CDH3: variants seen among roughly 807,000 people sequenced by gnomAD.
CDH3 encodes cadherin-3.
In CDH3, 54 loss-of-function variants were observed where a neutral mutation model predicts 82.0. The observed-to-expected ratio is 0.66, with a 90% confidence interval of 0.53 to 0.83. The LOEUF is 0.83. CDH3 is among the 40% of genes least tolerant of loss of function. The pLI is 0.00. For missense variants in CDH3, 1,054 were observed against 1,084.6 expected, an observed-to-expected ratio of 0.97 and a Z score of 0.40; for synonymous variants, 446 against 437.9, an observed-to-expected ratio of 1.02 and a Z score of -0.23.
At position 68,691,875 on chromosome 16, in the gene CDH3, T is replaced by A. The variant is rs1296594031; in HGVS notation, c.1951T>A (p.Trp651Arg). ...HGHVETCPGP[W>R]KGGFILPVLG... The stretch of plus-strand genomic sequence containing the variant: ...CCATGTCGAAACCTGCCCTGGACCC[T>A]GGAAGGGAGGTTTCATCCTCCCTGT... Residue 651 changes from tryptophan (W) to arginine (R), a missense_variant, in exon 13 of 16, where the codon TGG becomes AGG. By Grantham distance (101) the Trp-to-Arg change is moderately radical (BLOSUM62 -3). Coordinates refer to ENST00000264012, the MANE Select transcript of CDH3 (RefSeq NM_001793.6). 3 of 1,614,068 alleles carry A rather than the reference T, an allele frequency of 1.9e-6. No homozygotes were observed. Among genetic ancestry groups the A allele is most frequent in the Non-Finnish European group, 8.5e-7 (1 of 1,179,998 alleles).
At chr16:68,695,984 G>T in intron 15 of CDH3, 61 bp downstream of exon 15, 1 of 1,579,230 alleles carries the variant, frequency 6.3e-7, no homozygotes. Flanking sequence ...CAGCCACACA[G>T]GAGAACAAGC....
chr16:68,703,818 G>A (rs1005280270), downstream of CDH3, among the ~76,000 whole-genome samples: 4 of 152,052 alleles, frequency 2.6e-5, no homozygotes, highest in Non-Finnish European at 4.4e-5. Flanking sequence ...ATGGTGGTGC[G>A]TGCCTGTAAT....
At chr16:68,688,616 TTTTTTGTTTTTG>T (rs147242022) in intron 12 of CDH3, among the ~76,000 whole-genome samples, 93,296 of 150,840 alleles carry the variant, frequency 0.62, 29,042 homozygotes, top group African/African-American at 0.67. Context: ...GTCACTAGGG[TTTTTTGTTTTTG>T]TTTTTGTTTT....
rs1225392269 is a variant in CDH3, at chr16:68,697,794, G to A, written c.2281-397G>A. ...TTCATCTGTTCCTTTAAAACTATAC[G>A]GAGGCACATGTCCTCAGTACCTCCC... On this transcript the variant is annotated intron_variant, in intron 15 of 15. Transcript: ENST00000264012. Among the ~76,000 whole-genome samples, 3 of 151,990 alleles carry A rather than the reference G, an allele frequency of 2.0e-5. No homozygotes were observed. The East Asian group carries it at 5.8e-4, about 29-fold the overall frequency.
intron 2 of CDH3, among the ~76,000 whole-genome samples, chr16:68,646,547 C>T (rs1375447653): frequency 6.7e-6 from 1 of 149,124 alleles, no homozygotes; most frequent in Non-Finnish European, 1.5e-5. Flanking sequence ...AGGGGGTGGG[C>T]GGTGCAACGT....
chr16:68,681,062 C>G lies in CDH3; in HGVS notation c.962C>G (p.Ala321Gly). The G allele has an allele frequency of 6.2e-7, 1 of 1,614,010 alleles. No homozygotes were observed. Among genetic ancestry groups the G allele is most frequent in the Non-Finnish European group, 8.5e-7 (1 of 1,179,972 alleles). The change falls in exon 8 of 16, where the codon GCC becomes GGC. Residue 321 changes from alanine to glycine, a missense_variant. Physicochemically the swap from Ala to Gly is moderately conservative, Grantham distance 60. Coordinates refer to ENST00000264012, the MANE Select transcript of CDH3 (RefSeq NM_001793.6). ...TAVAVVEILD[A>G]NDNAPMFDPQ... ...GTGGCAGTAGTGGAGATCCTTGATG[C>G]CAATGACAATGCTCCCATGTTTGAC...
chr16:68,693,944 AGCCAG>A (rs1192686842), intron 13 of CDH3, among the ~76,000 whole-genome samples: 1 of 152,132 alleles, frequency 6.6e-6, no homozygotes, highest in African/African-American at 2.4e-5. Flanking sequence ...ACATCACTGA[AGCCAG>A]GCCCTTTTAA....
intron 2 of CDH3, among the ~76,000 whole-genome samples, chr16:68,668,770 A>G (rs1378547671): frequency 6.6e-6 from 1 of 152,162 alleles, no homozygotes; most frequent in African/African-American, 2.4e-5. Flanking sequence ...CCACTTTGAG[A>G]GAGAATTTTT....
At chr16:68,675,528 G>A (rs1287263401) in intron 2 of CDH3, among the ~76,000 whole-genome samples, 2 of 152,176 alleles carry the variant, frequency 1.3e-5, no homozygotes, top group Non-Finnish European at 2.9e-5. Context: ...TGGGCGCGGT[G>A]GCTCATGCCT....
intron 1 of CDH3, among the ~76,000 whole-genome samples, chr16:68,715,416 G>T (rs564741112): frequency 9.9e-5 from 9 of 90,542 alleles, no homozygotes; most frequent in African/African-American, 1.5e-4. Flanking sequence ...GACAGAGCAC[G>T]ACTCTCAAAA....
Position 68,685,329 on chromosome 16 carries a change from A to C in CDH3, c.1549A>C (p.Met517Leu). Reference sequence around the variant, plus strand: ...TGTGAGGAACAACATCTATGAAGTCATGGTCTTGGCCATGGACAATGGTGA... The same window carrying C: ...TGTGAGGAACAACATCTATGAAGTCCTGGTCTTGGCCATGGACAATGGTGA... ...QFVRNNIYEV[M>L]VLAMDNGSPP... The change falls in exon 11 of 16, where the codon ATG becomes CTG. Residue 517 changes from methionine to leucine, a missense_variant. Met to Leu is a conservative substitution (Grantham distance 15). Transcript: ENST00000264012. The C allele has an allele frequency of 6.2e-7, 1 of 1,614,096 alleles. No homozygotes were observed. The highest frequency in any genetic ancestry group is 1.1e-5 in the South Asian group (1 of 91,086).
intron 1 of CDH3, among the ~76,000 whole-genome samples, chr16:68,717,827 C>A (rs1962112591): frequency 6.6e-6 from 1 of 151,768 alleles, no homozygotes; most frequent in African/African-American, 2.4e-5. Context: ...AGATTTATAT[C>A]TTTCTCAGAG....
chr16:68,651,546 T>A (rs1361118211), intron 2 of CDH3: 6 of 465,058 alleles, frequency 1.3e-5, no homozygotes, highest in Non-Finnish European at 2.6e-5. Flanking sequence ...CACCCCGCTC[T>A]GCAGCCCCTT....
intron 2 of CDH3, among the ~76,000 whole-genome samples, chr16:68,658,112 C>G (rs1960455676): frequency 7.0e-6 from 1 of 142,822 alleles, no homozygotes. Flanking sequence ...GTTGCCCAGG[C>G]TGGTCTTGAA....
chr16:68,654,879 T>G (rs1464998864), intron 2 of CDH3, among the ~76,000 whole-genome samples: 1 of 151,430 alleles, frequency 6.6e-6, no homozygotes, highest in Non-Finnish European at 1.5e-5. Flanking sequence ...CTACTAAAAA[T>G]ACAAAAATTA....
chr16:68,666,627 C>A lies in CDH3; in HGVS notation c.161-9758C>A, dbSNP rs114620893. Among the ~76,000 whole-genome samples, 4 of 152,160 alleles carry A rather than the reference C, an allele frequency of 2.6e-5. No individual in the cohort carries two copies. In the East Asian group the frequency reaches 7.7e-4, roughly 29 times the overall value. Reference sequence around the variant, plus strand: ...CTTGTGCGTGGAAAATACTTGGTGACGGAGAGAGGCAGACCACAGCCTTGG... The same window carrying A: ...CTTGTGCGTGGAAAATACTTGGTGAAGGAGAGAGGCAGACCACAGCCTTGG... On this transcript the variant is annotated intron_variant, in intron 2 of 15. Transcript: ENST00000264012.
At chr16:68,654,750 G>C (rs1960368188) in intron 2 of CDH3, among the ~76,000 whole-genome samples, 1 of 140,614 alleles carries the variant, frequency 7.1e-6, no homozygotes, top group Non-Finnish European at 1.5e-5. Context: ...TTTTAAATTA[G>C]AGGCGGCCGG....
At position 68,695,252 on chromosome 16, in the gene CDH3, C is replaced by T; in HGVS notation, c.2003-3C>T. The T allele has an allele frequency of 1.2e-6, 2 of 1,614,110 alleles. No homozygotes were observed. The highest frequency in any genetic ancestry group is 1.1e-5 in the South Asian group (1 of 91,078). On this transcript the variant is annotated splice_polypyrimidine_tract_variant and splice_region_variant and intron_variant, in intron 13 of 15. Transcript: ENST00000264012. ...GAGCACTCACACTCCCCAACCCTTG[C>T]AGTCCTCCTGCTGGTGCTGCTTTTG... is the stretch of plus-strand genomic sequence containing the variant.
chr16:68,713,697 A>T (rs1962060197), intron 1 of CDH3, among the ~76,000 whole-genome samples: 1 of 152,046 alleles, frequency 6.6e-6, no homozygotes, highest in Admixed American at 6.6e-5. Flanking sequence ...GCAGCATGTC[A>T]TTGGACGCCC....
Sources: gnomAD v4.1 joint callset for allele counts (sites outside exome capture counted in the v4.1 genomes callset) on GRCh38, gnomAD v4.1.1 for gene constraint, MANE v1.5 for transcripts, NCBI Gene and HGNC (gene_info 2026-07-23, HGNC 2026-07-21) for gene names.